SMARCA4: variants seen among roughly 807,000 people sequenced by gnomAD.
SMARCA4 encodes the protein SWI/SNF related BAF chromatin remodeling complex subunit ATPase 4, also known as SWI/SNF-related matrix-associated actin-dependent regulator of chromatin subfamily A member 4.
In SMARCA4, 31 loss-of-function variants were observed where a neutral mutation model predicts 193.9. The observed-to-expected ratio is 0.16, with a 90% CI of 0.12 to 0.22. SMARCA4 has a LOEUF of 0.22. Among genes scored for constraint, SMARCA4 ranks in the 10% least tolerant of loss-of-function variants. SMARCA4 has a pLI of 1.00. For synonymous variants in SMARCA4, 942 were observed against 933.1 expected (o/e 1.01, Z -0.17); for missense variants, 1,148 against 2,296.0 (o/e 0.50, Z 10.22).
rs200525458 is a variant in SMARCA4 at position 11,039,546 on chromosome 19, C to T, written c.4171-1761C>T. ...CGTGGCCTTCAGTTCTGCACACGTG[C>T]GTCAAAGGTGGGGAGAGTTCTGGTG... On this transcript the variant is annotated intron_variant, in intron 29 of 34. Coordinates refer to ENST00000344626, the MANE Select transcript of SMARCA4 (RefSeq NM_003072.5). 24 of 1,593,736 alleles carry T rather than the reference C, an allele frequency of 1.5e-5. No homozygotes were observed. Among genetic ancestry groups the T allele is most frequent in the Non-Finnish European group, 1.8e-5 (21 of 1,170,802 alleles).
At chr19:10,989,220 C>A (rs2086334137) in intron 6 of SMARCA4, 97 bp from the exon 7 acceptor site, 1 of 1,467,740 alleles carries the variant, frequency 6.8e-7, no homozygotes, top group Non-Finnish European at 9.5e-7. Flanking sequence ...ATGACTAGTG[C>A]CTGCCTCTCT....
At chr19:11,037,626 AG>A (rs1304447685) in intron 29 of SMARCA4, among the ~76,000 whole-genome samples, 1 of 152,212 alleles carries the variant, frequency 6.6e-6, no homozygotes, top group East Asian at 1.9e-4. Flanking sequence ...GAAGCACAGA[AG>A]TGTTTCATTG....
At chr19:10,961,493 C>T (rs1052531498) in intron 1 of SMARCA4, 1 of 152,126 alleles carries the variant, frequency 6.6e-6, no homozygotes, top group Non-Finnish European at 1.5e-5. Flanking sequence ...CGCCCGGCAC[C>T]CCTACAGTCG....
At chr19:11,025,333 GC>G (rs1568493409) in intron 21 of SMARCA4, 88 bp from the exon 22 acceptor site, 13 of 831,286 alleles carry the variant, frequency 1.6e-5, no homozygotes, top group Non-Finnish European at 2.7e-5. Flanking sequence ...CGTCCCCATG[GC>G]CCTTCTCCCA....
In SMARCA4 at chr19:11,034,388, C is replaced by T. The variant is rs761896737; in HGVS notation, c.3951+188C>T. Among the ~76,000 whole-genome samples the T allele has an allele frequency of 2.6e-5, 4 of 152,174 alleles. No homozygotes were observed. The highest frequency in any genetic ancestry group is 7.2e-5 in the African/African-American group (3 of 41,448). Reference sequence around the variant, plus strand: ...ACCCCCAGTCTCCTGAGGATGGCATCGGAGGGCGAGATGCACACCCAGCCT... The same window carrying T: ...ACCCCCAGTCTCCTGAGGATGGCATTGGAGGGCGAGATGCACACCCAGCCT... On this transcript the variant is annotated intron_variant, in intron 28 of 34. Transcript: ENST00000344626. The surrounding 1 kb of genome is among the most constrained non-coding windows in gnomAD (Gnocchi z 7.0).
chr19:10,995,208 C>T lies in SMARCA4; in HGVS notation c.1593+207C>T, dbSNP rs762086966. On this transcript the variant is annotated intron_variant, in intron 9 of 34. Coordinates refer to ENST00000344626, the MANE Select transcript of SMARCA4 (RefSeq NM_003072.5). The stretch of plus-strand genomic sequence containing the variant: ...TCTGATCATCAGAATGACTGTGTGA[C>T]CTCAGGCCACTTAGCCGGCTCCTCT... The T allele has an allele frequency of 3.1e-5, 21 of 682,914 alleles. 2 individuals are homozygous for T. The highest frequency in any genetic ancestry group is 6.0e-5 in the South Asian group (4 of 66,588). The allele number at this position is 682,914 out of a possible 1,614,324, so 42.3% of individuals were successfully genotyped here. A position where few individuals can be genotyped will look rare whatever the true frequency, so the allele number is the denominator to read the frequency against.
At chr19:11,043,018 C>T (rs1468529148) in intron 30 of SMARCA4, among the ~76,000 whole-genome samples, 3 of 151,286 alleles carry the variant, frequency 2.0e-5, no homozygotes, top group South Asian at 2.1e-4. Flanking sequence ...TAGCCAGATG[C>T]GGTGGCTCAT....
intron 6 of SMARCA4, among the ~76,000 whole-genome samples, chr19:10,988,972 G>A (rs887611822): frequency 2.0e-5 from 3 of 152,202 alleles, no homozygotes; most frequent in Non-Finnish European, 4.4e-5. Context: ...ATGCTGAGGT[G>A]TGCAGTTGAA....
At chr19:11,024,965 C>T (rs2090142932) in intron 21 of SMARCA4, among the ~76,000 whole-genome samples, 1 of 151,830 alleles carries the variant, frequency 6.6e-6, no homozygotes, top group South Asian at 2.1e-4. Context: ...TAGTCCATTC[C>T]CAGCCCAGAG....
chr19:11,018,426 C>T (rs2089566654), intron 16 of SMARCA4: 1 of 269,108 alleles, frequency 3.7e-6, no homozygotes, highest in Non-Finnish European at 7.4e-6. Context: ...CGAGTTGCCG[C>T]TCCCTCCCAT....
rs145435121 is a variant in SMARCA4 at position 11,058,342 on chromosome 19, C to T, written c.4512C>T (p.Pro1504=). The change falls in exon 31 of 35, where the codon CCC becomes CCT. Residue 1504 remains proline, a synonymous_variant. Transcript: ENST00000344626. This position sits in a 1 kb window ranked among gnomAD's most constrained non-coding sequence, Gnocchi z 5.8. ...LPEYYELIRK[P]VDFKKIKERI... The stretch of plus-strand genomic sequence containing the variant: ...AGTACTACGAGCTCATCCGCAAGCC[C>T]GTGGACTTCAAGAAGATAAAGGTAA... 727 of 1,612,596 alleles carry T rather than the reference C, an allele frequency of 4.5e-4. 1 individual carries two copies. The highest frequency in any genetic ancestry group is 5.6e-4 in the Non-Finnish European group (664 of 1,178,918).
In SMARCA4 at chr19:10,986,427, C is replaced by A; in HGVS notation, c.594C>A (p.Asp198Glu). 1.3e-6 allele frequency: 2 copies of A among 1,574,728 alleles called. No individual in the cohort carries two copies. Among genetic ancestry groups the A allele is most frequent in the Non-Finnish European group, 1.7e-6 (2 of 1,160,784 alleles). The part of the protein sequence containing the change: ...KMLARGQPLP[D>E]HLQMAVQGKR... ...TGGCCAGGGGGCAGCCCCTCCCCGA[C>A]CACCTGCAGATGGCGGTGCAGGGCA... The change falls in exon 4 of 35, where the codon GAC (aspartate) becomes GAA (glutamate). Residue 198 changes from aspartate (D) to glutamate (E), a missense_variant. Transcript: ENST00000344626. This position sits in a 1 kb window ranked among gnomAD's most constrained non-coding sequence, Gnocchi z 6.7.
chr19:11,024,102 G>C (rs149270086), intron 20 of SMARCA4, among the ~76,000 whole-genome samples: 370 of 152,310 alleles, frequency 2.4e-3, no homozygotes, highest in Non-Finnish European at 4.1e-3. Context: ...AAGATGGCTG[G>C]GGGGCCCTTT....
In SMARCA4 at chr19:10,985,631, G is replaced by GA. The variant is rs2085958807; in HGVS notation, c.355+227dup. On this transcript the variant is annotated intron_variant, in intron 3 of 34. Transcript: ENST00000344626. This position sits in a 1 kb window ranked among gnomAD's most constrained non-coding sequence, Gnocchi z 4.5. Reference sequence around the variant, plus strand: ...AAGGGGAAATGCTGGTTGGGGGGCAGACCATGTTCAGCATGGGTGATAGAG... The same window carrying GA: ...AAGGGGAAATGCTGGTTGGGGGGCAGAACCATGTTCAGCATGGGTGATAGAG... Among the ~76,000 whole-genome samples, 1 of 152,222 alleles carries GA rather than the reference G, an allele frequency of 6.6e-6. No individual in the cohort carries two copies. Among genetic ancestry groups the GA allele is most frequent in the African/African-American group, 2.4e-5 (1 of 41,456 alleles).
intron 1 of SMARCA4, among the ~76,000 whole-genome samples, chr19:10,979,192 T>G (rs1018986794): frequency 6.6e-6 from 1 of 151,942 alleles, no homozygotes; most frequent in African/African-American, 2.4e-5. Context: ...TACAACTATT[T>G]TGGAAAACTA....
chr19:11,015,326 G>A (rs574912523), intron 16 of SMARCA4, among the ~76,000 whole-genome samples: 10 of 152,198 alleles, frequency 6.6e-5, no homozygotes, highest in African/African-American at 1.4e-4. Flanking sequence ...ACACTGTCAC[G>A]TCTGTGTGGC....
chr19:11,042,756 G>T (rs924193349), intron 30 of SMARCA4, among the ~76,000 whole-genome samples: 1 of 152,232 alleles, frequency 6.6e-6, no homozygotes, highest in Non-Finnish European at 1.5e-5. Context: ...AGAGGCTGAG[G>T]TGGGAGGATC....
chr19:11,059,653 C>A (rs2147109010), intron 32 of SMARCA4, 100 bp from the exon 33 acceptor site: 1 of 1,357,810 alleles, frequency 7.4e-7, no homozygotes, highest in Non-Finnish European at 1.0e-6. Flanking sequence ...GATCAGCTGT[C>A]CAGGGGCAAC....
chr19:11,011,456 C>G lies in SMARCA4; in HGVS notation c.2274+925C>G, dbSNP rs574924688. On this transcript the variant is annotated intron_variant, in intron 15 of 34. Transcript: ENST00000344626. Reference sequence around the variant, plus strand: ...GCCAAGCTGGTCTCAAACTCCTGACCTCAGGTGATCCGCCCACCTTGGCCT... The same window carrying G: ...GCCAAGCTGGTCTCAAACTCCTGACGTCAGGTGATCCGCCCACCTTGGCCT... 5.3e-5 allele frequency among the ~76,000 whole-genome samples: 8 copies of G among 152,302 alleles called. No individual in the cohort carries two copies. The East Asian group carries it at 1.5e-3, about 29-fold the overall frequency.
Sources: gnomAD v4.1 joint callset for allele counts (sites outside exome capture counted in the v4.1 genomes callset) on GRCh38, gnomAD v4.1.1 for gene constraint, Gnocchi (gnomAD v3.1) non-coding constraint, MANE v1.5 for transcripts, NCBI Gene and HGNC (gene_info 2026-07-23, HGNC 2026-07-21) for gene names.